The following GLG1 variants were observed in gnomAD, a reference collection of about 807,000 sequenced individuals.
GLG1 encodes the protein golgi glycoprotein 1.
Under a neutral mutation model 160.5 loss-of-function variants are expected in GLG1, and 38 were observed. The observed-to-expected ratio is 0.24, with a 90% CI of 0.18 to 0.31. The LOEUF is 0.31. GLG1 is among the 10% of genes least tolerant of loss of function. GLG1 has a pLI of 1.00. For synonymous variants in GLG1, 644 were observed against 543.4 expected (o/e 1.19, Z -2.57); for missense variants, 1,373 against 1,505.2 (o/e 0.91, Z 1.45).
chr16:74,590,748 G>T (rs1232602367), intron 1 of GLG1, among the ~76,000 whole-genome samples: 1 of 137,956 alleles, frequency 7.2e-6, no homozygotes, highest in Non-Finnish European at 1.5e-5. Context: ...AGTGAGCCGT[G>T]ATCACACCAC....
intron 1 of GLG1, among the ~76,000 whole-genome samples, chr16:74,595,178 A>T (rs1372888777): frequency 1.3e-5 from 2 of 150,996 alleles, no homozygotes; most frequent in African/African-American, 4.9e-5. Flanking sequence ...ACAGAGCAAG[A>T]ATCCGTCTCA....
chr16:74,525,450 G>A lies in GLG1; in HGVS notation c.471+6671C>T, dbSNP rs2017305218. Among the ~76,000 whole-genome samples, 4 of 152,086 alleles carry A rather than the reference G, an allele frequency of 2.6e-5. No homozygotes were observed. The South Asian group carries it at 8.3e-4, about 32-fold the overall frequency. On this transcript the variant is annotated intron_variant, in intron 2 of 25. Transcript: ENST00000422840. ...GTGGCATGATCATACCACCGTGCCT[G>A]GCTACATTTTTAAAATTCTTCTTTG...
Position 74,452,041 on chromosome 16 carries a change from G to A in GLG1, c.*1126C>T. ...GGAGCTTGTCTGGGAAGTTTGTCTG[G>A]AGTGTGCAGAAAGGTCAGGCTGGAC... On this transcript the variant is annotated 3_prime_UTR_variant, in exon 26 of 26. Coordinates refer to ENST00000422840, the MANE Select transcript of GLG1 (RefSeq NM_001145667.2). 6.3e-7 allele frequency: 1 copy of A among 1,590,784 alleles called. No homozygotes were observed. Among genetic ancestry groups the A allele is most frequent in the Non-Finnish European group, 8.6e-7 (1 of 1,158,666 alleles).
At chr16:74,494,080 C>T (rs1018054500) in intron 6 of GLG1, among the ~76,000 whole-genome samples, 2 of 151,768 alleles carry the variant, frequency 1.3e-5, no homozygotes, top group Admixed American at 1.3e-4. Context: ...GAGGCTGAGG[C>T]AGGAGACTTG....
rs908804630 is a variant in GLG1 at position 74,452,519 on chromosome 16, A to C, written c.*648T>G. 8.8e-6 allele frequency: 9 copies of C among 1,017,422 alleles called. No individual in the cohort carries two copies. The highest frequency in any genetic ancestry group is 1.7e-5 in the African/African-American group (1 of 58,854). The allele number at this position is 1,017,422 out of a possible 1,614,324, so 63.0% of individuals were successfully genotyped here. On this transcript the variant is annotated 3_prime_UTR_variant, in exon 26 of 26. Transcript: ENST00000422840. Reference sequence around the variant, plus strand: ...GTGGGGCTGTGACCAGCAGTGGCTGATTAGGGTGGAAACTGGAAAGCGTCA... The same window carrying C: ...GTGGGGCTGTGACCAGCAGTGGCTGCTTAGGGTGGAAACTGGAAAGCGTCA...
At chr16:74,510,918 T>C (rs1178450100) in intron 2 of GLG1, among the ~76,000 whole-genome samples, 1 of 152,052 alleles carries the variant, frequency 6.6e-6, no homozygotes, top group Non-Finnish European at 1.5e-5. Context: ...AGATTTACCA[T>C]AGAAAATGCT....
rs2016187493 is a variant in GLG1 at position 74,496,377 on chromosome 16, TA to T, written c.978+63del. 52 of 1,129,856 alleles carry T rather than the reference TA, an allele frequency of 4.6e-5. 1 individual carries two copies. The South Asian group carries it at 6.7e-4, about 15-fold the overall frequency. The allele number at this position is 1,129,856 out of a possible 1,614,324, so 70.0% of individuals were successfully genotyped here. A position where few individuals can be genotyped will look rare whatever the true frequency, so the allele number is the denominator to read the frequency against. Reference sequence around the variant, plus strand: ...CAAAAAACAACACAATTAAATTAATTAAAACAAAATTATATATGTGTAAAAA... The same window carrying T: ...CAAAAAACAACACAATTAAATTAATTAAACAAAATTATATATGTGTAAAAA... On this transcript the variant is annotated intron_variant, in intron 5 of 25. Transcript: ENST00000422840.
intron 3 of GLG1, among the ~76,000 whole-genome samples, chr16:74,508,484 T>C (rs1357371405): frequency 1.3e-5 from 2 of 152,184 alleles, no homozygotes; most frequent in African/African-American, 2.4e-5. Flanking sequence ...TTGATCCAGC[T>C]GCATAGCCAA....
At chr16:74,604,510 A>G (rs549780264) in intron 1 of GLG1, among the ~76,000 whole-genome samples, 1 of 152,258 alleles carries the variant, frequency 6.6e-6, no homozygotes, top group Non-Finnish European at 1.5e-5. Flanking sequence ...CATAATTCCA[A>G]TAATGGGTAC....
intron 2 of GLG1, among the ~76,000 whole-genome samples, chr16:74,529,962 C>T (rs2017480108): frequency 6.6e-6 from 1 of 151,644 alleles, no homozygotes; most frequent in Non-Finnish European, 1.5e-5. Flanking sequence ...CAGGGGTGTG[C>T]CACGACGCCT....
At chr16:74,511,298 C>G (rs886496628) in intron 2 of GLG1, among the ~76,000 whole-genome samples, 38 of 152,064 alleles carry the variant, frequency 2.5e-4, no homozygotes, top group Non-Finnish European at 3.2e-4. Context: ...GATTTCTTCT[C>G]CTCCCTCCTC....
chr16:74,600,773 G>T (rs1402259017), intron 1 of GLG1, among the ~76,000 whole-genome samples: 2 of 144,450 alleles, frequency 1.4e-5, no homozygotes, highest in Non-Finnish European at 3.0e-5. Context: ...AACAGTGACA[G>T]AAATTTCAAG....
At chr16:74,462,702 C>G in intron 20 of GLG1, 72 bp from the exon 21 acceptor site, 1 of 1,355,992 alleles carries the variant, frequency 7.4e-7, no homozygotes, top group Non-Finnish European at 1.1e-6. Context: ...ATCCACCTTC[C>G]TAAAGGGAGC....
rs2017440521 is a variant in GLG1, at chr16:74,529,008, C to G, written c.471+3113G>C. On this transcript the variant is annotated intron_variant, in intron 2 of 25. Transcript: ENST00000422840. The stretch of plus-strand genomic sequence containing the variant: ...TTGAGACAGAATCTCGCTCTGTTGC[C>G]CAGGCTGGAGTGCAGTGGTACGATA... Among the ~76,000 whole-genome samples the G allele has an allele frequency of 2.7e-5, 4 of 150,470 alleles. No homozygotes were observed. In the South Asian group the frequency reaches 8.5e-4, roughly 32 times the overall value.
intron 18 of GLG1, among the ~76,000 whole-genome samples, chr16:74,466,156 C>T (rs938355263): frequency 2.0e-5 from 3 of 152,172 alleles, no homozygotes; most frequent in Non-Finnish European, 2.9e-5. Context: ...GCAACAGCTC[C>T]GACTAGACAG....
Position 74,491,007 on chromosome 16 carries a change from C to T in GLG1, c.1443G>A (p.Gln481=). ...GEKGNLGMNC[Q]QALQTLIQET... ...AATAGCAATGTCTCCTTACCGCCTG[C>T]TGGCAGTTCATTCCAAGGTTCCCCT... The change falls in exon 8 of 26, where the codon CAG becomes CAA. Residue 481 remains glutamine, a synonymous_variant. Transcript: ENST00000422840. 1 of 1,611,700 alleles carries T rather than the reference C, an allele frequency of 6.2e-7. No individual in the cohort carries two copies. Among genetic ancestry groups the T allele is most frequent in the East Asian group, 2.2e-5 (1 of 44,874 alleles).
chr16:74,491,755 A>G (rs2015998770), intron 7 of GLG1, among the ~76,000 whole-genome samples: 1 of 147,778 alleles, frequency 6.8e-6, no homozygotes, highest in African/African-American at 2.5e-5. Flanking sequence ...CTCCTGCCTC[A>G]GCCTCTCCAA....
chr16:74,566,573 A>T (rs1223407912), intron 1 of GLG1, among the ~76,000 whole-genome samples: 1 of 152,222 alleles, frequency 6.6e-6, no homozygotes, highest in African/African-American at 2.4e-5. Context: ...ACTTTAATCC[A>T]GACTACCGTC....
intron 12 of GLG1, among the ~76,000 whole-genome samples, chr16:74,476,593 C>G (rs146122683): frequency 5.9e-5 from 9 of 152,176 alleles, no homozygotes; most frequent in African/African-American, 2.2e-4. Flanking sequence ...ACGCAGTATT[C>G]CTACTGCTGA....
Sources: gnomAD v4.1 joint callset for allele counts (sites outside exome capture counted in the v4.1 genomes callset) on GRCh38, gnomAD v4.1.1 for gene constraint, MANE v1.5 for transcripts, NCBI Gene and HGNC (gene_info 2026-07-23, HGNC 2026-07-21) for gene names.